Variants in CEMIP2 observed in about 807,000 individuals in gnomAD.
The protein encoded by CEMIP2 is cell migration inducing hyaluronidase 2, also known as cell surface hyaluronidase CEMIP2.
A neutral mutation model predicts 146.9 loss-of-function variants in CEMIP2; 79 were observed. The ratio of observed to expected loss-of-function variants is 0.54; its 90% CI spans 0.45 to 0.65. CEMIP2 has a LOEUF of 0.65. Ranked by LOEUF, CEMIP2 falls within the 30% of genes least tolerant of loss-of-function variation. CEMIP2 has a pLI of 0.00. For synonymous variants in CEMIP2, 601 were observed against 606.3 expected (o/e 0.99, Z 0.13); for missense variants, 1,596 against 1,696.2 (o/e 0.94, Z 1.04).
At chr9:71,723,491 A>G (rs1823301905) in intron 11 of CEMIP2, among the ~76,000 whole-genome samples, 1 of 152,222 alleles carries the variant, frequency 6.6e-6, no homozygotes, top group African/African-American at 2.4e-5. Flanking sequence ...AGTAGAATTG[A>G]TATCATTTTG....
chr9:71,747,840 C>A (rs1824132421), intron 2 of CEMIP2, among the ~76,000 whole-genome samples: 1 of 152,148 alleles, frequency 6.6e-6, no homozygotes, highest in Admixed American at 6.6e-5. Context: ...TTAGCCTCAC[C>A]AGTTATATCC....
chr9:71,697,706 A>T (rs575281525), intron 20 of CEMIP2: 1 of 331,470 alleles, frequency 3.0e-6, no homozygotes, highest in Non-Finnish European at 5.5e-6. Context: ...AGAAAGAAAA[A>T]AAATGAGGAC....
intron 21 of CEMIP2, among the ~76,000 whole-genome samples, chr9:71,691,130 C>CA (rs1269100765): frequency 1.3e-5 from 2 of 152,180 alleles, no homozygotes; most frequent in African/African-American, 2.4e-5. Context: ...CACTGGTATT[C>CA]AAAATGGCAC....
chr9:71,752,775 A>T (rs2132025239), intron 1 of CEMIP2, among the ~76,000 whole-genome samples: 1 of 152,238 alleles, frequency 6.6e-6, no homozygotes, highest in South Asian at 2.1e-4. Context: ...GTCATTAGAG[A>T]AGCCACAAAC....
Position 71,704,735 on chromosome 9 carries a change from G to T in CEMIP2, c.3054C>A (p.Asn1018Lys), listed in dbSNP as rs756892498. 1 of 1,614,186 alleles carries T rather than the reference G, an allele frequency of 6.2e-7. No homozygotes were observed. Among genetic ancestry groups the T allele is most frequent in the Non-Finnish European group, 8.5e-7 (1 of 1,180,030 alleles). ...MTITRDEYPS[N>K]PMVLRGINQK... The stretch of plus-strand genomic sequence containing the variant: ...GATTAATACCTCGGAGCACCATAGG[G>T]TTGGACGGATACTCATCTCGTGTAA... Residue 1018 changes from asparagine to lysine, a missense_variant, in exon 18 of 24, where the codon AAC (asparagine) becomes AAA (lysine). By Grantham distance (94) the Asn-to-Lys change is moderately conservative. Coordinates refer to ENST00000377044, the MANE Select transcript of CEMIP2 (RefSeq NM_013390.3).
intron 1 of CEMIP2, among the ~76,000 whole-genome samples, chr9:71,767,501 T>G (rs892487399): frequency 6.6e-6 from 1 of 152,232 alleles, no homozygotes; most frequent in African/African-American, 2.4e-5. Flanking sequence ...TATCAAAGTC[T>G]GTTTTCCTAA....
At chr9:71,739,906 AAGATTAAGC>A (rs1331313457) in intron 5 of CEMIP2, among the ~76,000 whole-genome samples, 148 bp downstream of exon 5, 1 of 151,670 alleles carries the variant, frequency 6.6e-6, no homozygotes, top group Non-Finnish European at 1.5e-5. Flanking sequence ...TTTGTTCTAA[AAGATTAAGC>A]ACAGTAGGAA....
intron 21 of CEMIP2, among the ~76,000 whole-genome samples, chr9:71,691,024 T>C (rs1822210952): frequency 6.6e-6 from 1 of 152,218 alleles, no homozygotes; most frequent in Non-Finnish European, 1.5e-5. Context: ...TAAAGTATGC[T>C]AAAGGCTAAC....
Position 71,697,999 on chromosome 9 carries a change from A to T in CEMIP2, c.3583T>A (p.Cys1195Ser). ...PAMLTGLCQGCGTRQVVFTSD... is the reference protein window; with the variant it reads ...PAMLTGLCQGSGTRQVVFTSD... ...TCCTTGTTTACCTGCCGAGTGCCAC[A>T]GCCTTGACAGAGTCCAGTGAGCATG... Residue 1195 changes from cysteine to serine, a missense_variant, in exon 20 of 24, where the codon TGT becomes AGT. Physicochemically the swap from Cys to Ser is moderately radical, Grantham distance 112 (BLOSUM62 -1). Transcript: ENST00000377044. The T allele has an allele frequency of 1.2e-6, 2 of 1,613,850 alleles. No individual in the cohort carries two copies. The highest frequency in any genetic ancestry group is 1.7e-6 in the Non-Finnish European group (2 of 1,179,820).
At position 71,732,511 on chromosome 9, in the gene CEMIP2, T is replaced by C. The variant is rs1564015563; in HGVS notation, c.1403A>G (p.Gln468Arg). The C allele has an allele frequency of 1.3e-6, 2 of 1,595,776 alleles. No homozygotes were observed. Among genetic ancestry groups the C allele is most frequent in the Non-Finnish European group, 1.7e-6 (2 of 1,175,222 alleles). The change falls in exon 7 of 24, where the codon CAG becomes CGG. Residue 468 changes from glutamine (Q) to arginine (R), a missense_variant. Transcript: ENST00000377044. ...TATGATCTCACCCATGTGCAGGAAC[T>C]GAGGGGTTTCTGGTTGATATGAGCA... is the stretch of plus-strand genomic sequence containing the variant. Reference protein sequence around the residue: ...HFQVKVKETPQFLHMGEIIDG... With the variant: ...HFQVKVKETPRFLHMGEIIDG...
rs59985618 is a variant in CEMIP2, at chr9:71,732,686, A to ATTTTTTTTTTTTT, written c.1394-179_1394-167dup. Among the ~76,000 whole-genome samples, 8 of 75,878 alleles carry ATTTTTTTTTTTTT rather than the reference A, an allele frequency of 1.1e-4. 1 individual carries two copies. The highest frequency in any genetic ancestry group is 3.1e-4 in the African/African-American group (5 of 16,098). 49.8% of individuals were successfully genotyped at this position (75,878 alleles called of 152,430 possible). A position where few individuals can be genotyped will look rare whatever the true frequency, so the allele number is the denominator to read the frequency against. On this transcript the variant is annotated intron_variant, in intron 6 of 23. Coordinates refer to ENST00000377044, the MANE Select transcript of CEMIP2 (RefSeq NM_013390.3). ...GAATCAGAATCCCAGGACACGGGGA[A>ATTTTTTTTTTTTT]TTTTTTTTTTTTTTTTTTTTTTTTT...
chr9:71,691,443 A>AAAAAAAAAC (rs1822226089), intron 21 of CEMIP2, among the ~76,000 whole-genome samples: 1 of 151,678 alleles, frequency 6.6e-6, no homozygotes, highest in African/African-American at 2.4e-5. Context: ...AATAAATAAA[A>AAAAAAAAAC]AAGCCCTTTA....
rs886889776 is a variant in CEMIP2, at chr9:71,757,738, C to CTGGTTTGGTT, written c.-12-7363_-12-7354dup. On this transcript the variant is annotated intron_variant, in intron 1 of 23. Transcript: ENST00000377044. Reference sequence around the variant, plus strand: ...CATCAGGGATCACCATTTAGATCTTCTGGTTTGGTTTGGTTTGGTTTGGTT... The same window carrying CTGGTTTGGTT: ...CATCAGGGATCACCATTTAGATCTTCTGGTTTGGTTTGGTTTGGTTTGGTTTGGTTTGGTT... 5.3e-5 allele frequency among the ~76,000 whole-genome samples: 8 copies of CTGGTTTGGTT among 152,214 alleles called. No individual in the cohort carries two copies. The East Asian group carries it at 1.4e-3, about 26-fold the overall frequency.
intron 5 of CEMIP2, among the ~76,000 whole-genome samples, chr9:71,737,596 C>T (rs1823799805): frequency 6.6e-6 from 1 of 152,012 alleles, no homozygotes; most frequent in Non-Finnish European, 1.5e-5. Flanking sequence ...GTTGCCCAGA[C>T]CTAACCTTAA....
chr9:71,732,547 A>G (rs781565344), intron 6 of CEMIP2, 27 bp from the exon 7 acceptor site: 7 of 1,563,250 alleles, frequency 4.5e-6, no homozygotes, highest in Non-Finnish European at 6.0e-6. Context: ...AGGAAAAAAA[A>G]GAATATTAGA....
chr9:71,716,235 C>T (rs1261995683), intron 14 of CEMIP2, among the ~76,000 whole-genome samples: 2 of 151,668 alleles, frequency 1.3e-5, no homozygotes, highest in African/African-American at 2.4e-5. Context: ...CTTTTTTCCC[C>T]TACTTTTTAA....
chr9:71,756,254 A>G (rs1039052836), intron 1 of CEMIP2, among the ~76,000 whole-genome samples: 1 of 133,280 alleles, frequency 7.5e-6, no homozygotes, highest in Non-Finnish European at 1.7e-5. Flanking sequence ...ATATATATAT[A>G]TATGTATATA....
rs1412036614 is a variant in CEMIP2, at chr9:71,750,036, C to T, written c.331+7G>A. 1.3e-5 allele frequency: 20 copies of T among 1,588,188 alleles called. No individual in the cohort carries two copies. The highest frequency in any genetic ancestry group is 1.6e-5 in the Non-Finnish European group (19 of 1,167,040). On this transcript the variant is annotated splice_region_variant and intron_variant, in intron 2 of 23. Transcript: ENST00000377044. ...AATATGTTCTATGTGCATATACACACACTTACCATCTGGAGCATATTTTGA... is the reference window on the plus strand; with the variant it reads ...AATATGTTCTATGTGCATATACACATACTTACCATCTGGAGCATATTTTGA...
Position 71,764,657 on chromosome 9 carries a change from G to A in CEMIP2, c.-13+3700C>T, listed in dbSNP as rs117240494. Among the ~76,000 whole-genome samples, 840 of 152,018 alleles carry A rather than the reference G, an allele frequency of 5.5e-3. 4 individuals are homozygous for A. Among genetic ancestry groups the A allele is most frequent in the Non-Finnish European group, 7.9e-3 (540 of 67,978 alleles). On this transcript the variant is annotated intron_variant, in intron 1 of 23. Transcript: ENST00000377044. Reference sequence around the variant, plus strand: ...CTCCCCACCGCACCCCTGGCAAAAGGGCACAGTTCACTTGATAGTTTTAAA... The same window carrying A: ...CTCCCCACCGCACCCCTGGCAAAAGAGCACAGTTCACTTGATAGTTTTAAA...
Sources: gnomAD v4.1 joint callset for allele counts (sites outside exome capture counted in the v4.1 genomes callset) on GRCh38, gnomAD v4.1.1 for gene constraint, MANE v1.5 for transcripts, NCBI Gene and HGNC (gene_info 2026-07-23, HGNC 2026-07-21) for gene names.